Variants in KLHL2 observed in about 807,000 individuals in gnomAD.
The protein encoded by KLHL2 is kelch-like protein 2.
KLHL2 carries 15 observed loss-of-function variants against 75.8 expected under a neutral mutation model. The observed-to-expected ratio is 0.20, with a 90% CI of 0.13 to 0.30. KLHL2 has a LOEUF of 0.30. Among genes scored for constraint, KLHL2 ranks in the 10% least tolerant of loss-of-function variants. The pLI, the probability that KLHL2 is intolerant of heterozygous loss-of-function variation, is 1.00. For missense variants in KLHL2, 381 were observed against 741.0 expected, an observed-to-expected ratio of 0.51 and a Z score of 5.64; for synonymous variants, 214 against 251.9, an observed-to-expected ratio of 0.85 and a Z score of 1.42.
chr4:165,240,051 T>G (rs1560998093), intron 4 of KLHL2, among the ~76,000 whole-genome samples: 1 of 152,198 alleles, frequency 6.6e-6, no homozygotes, highest in Non-Finnish European at 1.5e-5. Flanking sequence ...ATTTTTATAT[T>G]TGCATCCCCA....
rs549677862 is a variant in KLHL2, at chr4:165,264,218, C to CT, written c.544+869dup. On this transcript the variant is annotated intron_variant, in intron 5 of 14. Transcript: ENST00000226725. ...TATGCTTTCATTTAATGATTACATC[C>CT]TTTTTTTTTTATTCTAATAGCTTTA... Among the ~76,000 whole-genome samples the CT allele has an allele frequency of 2.2e-4, 33 of 147,170 alleles. No individual in the cohort carries two copies. In the South Asian group the frequency reaches 2.6e-3, roughly 12 times the overall value.
At chr4:165,225,764 C>G in intron 2 of KLHL2, among the ~76,000 whole-genome samples, 1 of 152,168 alleles carries the variant, frequency 6.6e-6, no homozygotes, top group East Asian at 1.9e-4. Context: ...GCTCTCTCAT[C>G]TCTGAATGCT....
chr4:165,264,699 TGTGTGTATATATATATATATAC>T (rs1425050064), intron 5 of KLHL2, among the ~76,000 whole-genome samples: 36 of 60,248 alleles, frequency 6.0e-4, no homozygotes, highest in African/African-American at 2.1e-3. Context: ...TGTGTGTGTG[TGTGTGTATATATATATATATAC>T]ATATATATAT....
intron 1 of KLHL2, chr4:165,210,163 GC>G: frequency 1.9e-6 from 3 of 1,551,650 alleles, no homozygotes; most frequent in Non-Finnish European, 2.6e-6. Context: ...TGGAAGCACG[GC>G]CCCAGATTCT....
rs556468166 is a variant in KLHL2 at position 165,218,400 on chromosome 4, A to G, written c.27-1534A>G. ...CCAGGTACATATTGGCCTTTGCTGT[A>G]GTTACTACTTCCATCCGGATGTTCC... On this transcript the variant is annotated intron_variant, in intron 1 of 14. Coordinates refer to ENST00000226725, the MANE Select transcript of KLHL2 (RefSeq NM_007246.4). Among the ~76,000 whole-genome samples the G allele has an allele frequency of 3.3e-5, 5 of 152,244 alleles. No homozygotes were observed. The South Asian group carries it at 1.0e-3, about 32-fold the overall frequency.
In KLHL2 at chr4:165,317,553, TG is replaced by T. The variant is rs539488252; in HGVS notation, c.1610-269del. Among the ~76,000 whole-genome samples, 130 of 152,122 alleles carry T rather than the reference TG, an allele frequency of 8.5e-4. 1 individual carries two copies. The highest frequency in any genetic ancestry group is 2.9e-3 in the African/African-American group (122 of 41,498). On this transcript the variant is annotated intron_variant, in intron 13 of 14. Coordinates refer to ENST00000226725, the MANE Select transcript of KLHL2 (RefSeq NM_007246.4). ...CTGATTTTTGTATTTTTAGTAGAGA[TG>T]GGGTTTTGCCATGTTGCCCAGGCTC...
intron 12 of KLHL2, 135 bp downstream of exon 12, chr4:165,313,501 T>G: frequency 1.4e-6 from 1 of 723,560 alleles, no homozygotes. Context: ...GCTAAATGTC[T>G]TTTGAATTGT....
Position 165,313,482 on chromosome 4 carries a change from A to G in KLHL2, c.1468+116A>G. On this transcript the variant is annotated intron_variant, in intron 12 of 14. Coordinates refer to ENST00000226725, the MANE Select transcript of KLHL2 (RefSeq NM_007246.4). The stretch of plus-strand genomic sequence containing the variant: ...TGAAAATATATGATATGCTGATTTT[A>G]GTGGCACTGCTAAATGTCTTTTGAA... The G allele has an allele frequency of 3.5e-6, 3 of 868,218 alleles. No individual in the cohort carries two copies. In the South Asian group the frequency reaches 9.3e-5, roughly 27 times the overall value. 53.8% of individuals were successfully genotyped at this position (868,218 alleles called of 1,614,324 possible).
At chr4:165,230,103 T>G (rs1259014806) in intron 3 of KLHL2, among the ~76,000 whole-genome samples, 1 of 152,268 alleles carries the variant, frequency 6.6e-6, no homozygotes, top group Admixed American at 6.5e-5. Flanking sequence ...AGTCAGATTT[T>G]TATGTCTTGG....
chr4:165,208,251 A>G (rs957310708), intron 1 of KLHL2, among the ~76,000 whole-genome samples: 6 of 152,108 alleles, frequency 3.9e-5, no homozygotes, highest in Non-Finnish European at 8.8e-5. Flanking sequence ...ACCCCTTTAT[A>G]AGAGATCAGG....
intron 3 of KLHL2, among the ~76,000 whole-genome samples, chr4:165,233,528 GATT>G (rs1739083454): frequency 6.6e-6 from 1 of 152,126 alleles, no homozygotes; most frequent in South Asian, 2.1e-4. Context: ...GGAAAAGACA[GATT>G]ATTGTTTGAG....
chr4:165,292,502 T>C (rs1234216519), intron 5 of KLHL2, among the ~76,000 whole-genome samples: 2 of 152,024 alleles, frequency 1.3e-5, no homozygotes, highest in Admixed American at 6.6e-5. Context: ...CTGGCTACTT[T>C]TTGTATTTTT....
intron 4 of KLHL2, among the ~76,000 whole-genome samples, chr4:165,244,695 T>C (rs1408974498): frequency 1.3e-5 from 2 of 152,092 alleles, no homozygotes; most frequent in African/African-American, 4.8e-5. Context: ...ATAGAGTATA[T>C]ACTTAGACTG....
intron 13 of KLHL2, among the ~76,000 whole-genome samples, chr4:165,317,246 C>T (rs1321820863): frequency 6.6e-6 from 1 of 151,176 alleles, no homozygotes; most frequent in African/African-American, 2.4e-5. Context: ...AAAATAGTTT[C>T]TAACCTATAA....
intron 5 of KLHL2, among the ~76,000 whole-genome samples, chr4:165,280,434 A>T (rs368346688): frequency 1.3e-5 from 2 of 152,246 alleles, no homozygotes; most frequent in East Asian, 3.8e-4. Context: ...TGGAATAAAC[A>T]TCGGTTAGAA....
intron 9 of KLHL2, among the ~76,000 whole-genome samples, chr4:165,309,006 A>C (rs950179396): frequency 6.6e-6 from 1 of 152,190 alleles, no homozygotes; most frequent in African/African-American, 2.4e-5. Context: ...GCAGAGGTAC[A>C]TCTCTTGCCT....
chr4:165,288,565 A>G (rs2126462479), intron 5 of KLHL2, among the ~76,000 whole-genome samples: 1 of 152,286 alleles, frequency 6.6e-6, no homozygotes, highest in South Asian at 2.1e-4. Context: ...CTTTTTTCAT[A>G]TCATGAGCTT....
At chr4:165,267,460 G>A (rs1215856075) in intron 5 of KLHL2, among the ~76,000 whole-genome samples, 2 of 151,990 alleles carry the variant, frequency 1.3e-5, no homozygotes, top group African/African-American at 4.8e-5. Context: ...GTCATAAATA[G>A]CTCTTAGTAT....
intron 4 of KLHL2, among the ~76,000 whole-genome samples, chr4:165,254,458 G>C (rs1373043446): frequency 6.6e-6 from 1 of 152,088 alleles, no homozygotes. Context: ...TTTTCTCAAG[G>C]TAGATTTTCA....
Sources: allele counts gnomAD v4.1 joint callset (sites outside exome capture counted in the v4.1 genomes callset), GRCh38; gene constraint gnomAD v4.1.1; transcripts MANE v1.5; gene names NCBI Gene and HGNC (gene_info 2026-07-23, HGNC 2026-07-21).